The following ARAP2 variants were observed in gnomAD, a reference collection of about 807,000 sequenced individuals.
ARAP2 encodes arf-GAP with Rho-GAP domain, ANK repeat and PH domain-containing protein 2.
A neutral mutation model predicts 194.5 loss-of-function variants in ARAP2; 148 were observed. The observed-to-expected ratio is 0.76, with a 90% confidence interval of 0.67 to 0.87. The LOEUF (loss-of-function observed/expected upper bound fraction) is 0.87, where lower values mean the gene tolerates loss of function less well. ARAP2 is among the 40% of genes least tolerant of loss of function. The probability of loss-of-function intolerance (pLI) is 0.00; values close to 1 mark genes in which losing one functional copy is unlikely to be tolerated. For missense variants in ARAP2, 2,128 were observed against 1,989.7 expected (o/e 1.07, Z -1.32); for synonymous variants, 695 against 683.5 (o/e 1.02, Z -0.26).
At chr4:36,062,096 T>C (rs1029386616), downstream of ARAP2, among the ~76,000 whole-genome samples, 1 of 152,222 alleles carries the variant, frequency 6.6e-6, no homozygotes. Flanking sequence ...TTCTGTGGAT[T>C]GTCTCTTCAC....
chr4:36,214,812 T>C (rs1747550315), intron 2 of ARAP2, among the ~76,000 whole-genome samples: 1 of 152,132 alleles, frequency 6.6e-6, no homozygotes. Context: ...CCAATGCTAA[T>C]ATGCACATAA....
chr4:36,061,119 T>C (rs971304774), downstream of ARAP2, among the ~76,000 whole-genome samples: 1 of 152,108 alleles, frequency 6.6e-6, no homozygotes, highest in African/African-American at 2.4e-5. Flanking sequence ...ACTTATGGGG[T>C]ATATGAGATG....
At chr4:36,072,470 T>C (rs1292774069) in intron 32 of ARAP2, among the ~76,000 whole-genome samples, 1 of 152,068 alleles carries the variant, frequency 6.6e-6, no homozygotes, top group African/African-American at 2.4e-5. Context: ...ATAATTTATT[T>C]TGCTTTGCCG....
At chr4:36,008,632 C>T (rs185701423) in intron 9 of ARAP2, among the ~76,000 whole-genome samples, 103 of 151,772 alleles carry the variant, frequency 6.8e-4, no homozygotes, top group Admixed American at 1.2e-3. Context: ...GTATCAGCCT[C>T]GGCAGAAAAT....
intron 19 of ARAP2, among the ~76,000 whole-genome samples, chr4:36,144,275 G>T (rs552955372): frequency 1.3e-5 from 2 of 151,860 alleles, no homozygotes; most frequent in Non-Finnish European, 2.9e-5. Context: ...GCTCTGAGGG[G>T]TCAGACACCA....
intron 19 of ARAP2, among the ~76,000 whole-genome samples, chr4:36,134,284 C>G (rs550200501): frequency 2.1e-4 from 32 of 151,812 alleles, no homozygotes; most frequent in African/African-American, 7.2e-4. Flanking sequence ...AGCTTTTGCT[C>G]TCCCATACCA....
chr4:36,047,388 T>A (rs975239164), intron 3 of ARAP2: 1 of 152,222 alleles, frequency 6.6e-6, no homozygotes, highest in Non-Finnish European at 1.5e-5. Context: ...AGTGGCCATA[T>A]AAGCTAACTG....
intron 28 of ARAP2, among the ~76,000 whole-genome samples, chr4:36,088,095 TACC>T (rs1385349296): frequency 1.3e-5 from 2 of 152,136 alleles, no homozygotes; most frequent in African/African-American, 4.8e-5. Context: ...TCATTACTAC[TACC>T]ACCAACTACT....
At chr4:36,197,419 TTTTA>T (rs1202064662) in intron 6 of ARAP2, among the ~76,000 whole-genome samples, 1 of 152,258 alleles carries the variant, frequency 6.6e-6, no homozygotes, top group Non-Finnish European at 1.5e-5. Context: ...TCATCCTTAC[TTTTA>T]TTTTTGCAAA....
chr4:36,091,481 CTAA>C (rs2109386823), intron 28 of ARAP2, among the ~76,000 whole-genome samples: 1 of 152,198 alleles, frequency 6.6e-6, no homozygotes, highest in African/African-American at 2.4e-5. Context: ...AGGAAAGATA[CTAA>C]TAAGATTTAT....
intron 6 of ARAP2, among the ~76,000 whole-genome samples, chr4:36,204,400 A>T (rs1368958241): frequency 1.3e-5 from 2 of 152,220 alleles, no homozygotes; most frequent in African/African-American, 2.4e-5. Flanking sequence ...AACATGGAAG[A>T]TCTGAAAACA....
chr4:36,184,267 A>T (rs889383829), intron 8 of ARAP2, among the ~76,000 whole-genome samples: 21 of 83,042 alleles, frequency 2.5e-4, no homozygotes, highest in Non-Finnish European at 4.1e-4. Context: ...AAACATATAG[A>T]TGCATAAACA....
At chr4:36,063,741 AC>A (rs1166509840), downstream of ARAP2, among the ~76,000 whole-genome samples, 1 of 152,160 alleles carries the variant, frequency 6.6e-6, no homozygotes, top group Non-Finnish European at 1.5e-5. Flanking sequence ...TCCTTAACTT[AC>A]TGGCTGTTGT....
At chr4:36,188,161 A>G (rs1358713711) in intron 7 of ARAP2, among the ~76,000 whole-genome samples, 1 of 152,172 alleles carries the variant, frequency 6.6e-6, no homozygotes, top group Non-Finnish European at 1.5e-5. Context: ...AATATTACAA[A>G]TTTTGTTTAA....
intron 19 of ARAP2, among the ~76,000 whole-genome samples, chr4:36,143,772 C>A (rs955374821): frequency 6.6e-6 from 1 of 151,754 alleles, no homozygotes; most frequent in African/African-American, 2.4e-5. Flanking sequence ...ACATTTCTCC[C>A]ACTCCTATTA....
At chr4:36,151,861 AT>A (rs1378186141) in intron 15 of ARAP2, among the ~76,000 whole-genome samples, 18 of 152,200 alleles carry the variant, frequency 1.2e-4, no homozygotes, top group Non-Finnish European at 2.9e-5. Context: ...AATACAGCAA[AT>A]GTAAAATGCT....
At chr4:36,166,731 A>G (rs1735369457) in intron 10 of ARAP2, among the ~76,000 whole-genome samples, 1 of 152,038 alleles carries the variant, frequency 6.6e-6, no homozygotes, top group African/African-American at 2.4e-5. Flanking sequence ...CATGAAATAC[A>G]TATTTTTGCA....
At chr4:36,063,118 A>G (rs1346784425), downstream of ARAP2, among the ~76,000 whole-genome samples, 1 of 152,208 alleles carries the variant, frequency 6.6e-6, no homozygotes, top group African/African-American at 2.4e-5. Flanking sequence ...GAGCACTGAG[A>G]AAAAATTCAA....
chr4:36,020,152 T>G lies in ARAP2; in HGVS notation n.608-866A>C, dbSNP rs564179830. ...CAGACAGGGTGCGGCAGCTCATGCCTGTAAGCCCAGCAATTTGGGAGGCCA... is the reference window on the plus strand; with the variant it reads ...CAGACAGGGTGCGGCAGCTCATGCCGGTAAGCCCAGCAATTTGGGAGGCCA... On this transcript the variant is annotated intron_variant and non_coding_transcript_variant, in intron 5 of 12. Coordinates refer to the ARAP2 transcript ENST00000503225. Among the ~76,000 whole-genome samples the G allele has an allele frequency of 1.8e-3, 268 of 152,340 alleles. 6 individuals carry two copies. In the South Asian group the frequency reaches 0.054, roughly 31 times the overall value.
Sources: gnomAD v4.1 joint callset for allele counts (sites outside exome capture counted in the v4.1 genomes callset) on GRCh38, gnomAD v4.1.1 for gene constraint, MANE v1.5 for transcripts, NCBI Gene and HGNC (gene_info 2026-07-23, HGNC 2026-07-21) for gene names.